The following A1CF variants were observed in gnomAD, a reference collection of about 807,000 sequenced individuals.
The protein encoded by A1CF is APOBEC-1 stimulating protein.
A1CF carries 48 observed loss-of-function variants against 68.9 expected under a neutral mutation model. That is an observed-to-expected ratio of 0.70 (90% CI 0.55 to 0.89). The LOEUF is 0.89. Among genes scored for constraint, A1CF ranks in the 40% least tolerant of loss-of-function variants. The pLI, the probability that A1CF is intolerant of heterozygous loss-of-function variation, is 0.00. For missense variants in A1CF, 653 were observed against 718.9 expected, an observed-to-expected ratio of 0.91 and a Z score of 1.05; for synonymous variants, 272 against 260.4, an observed-to-expected ratio of 1.04 and a Z score of -0.43.
In A1CF at chr10:50,806,493, G is replaced by A. The variant is rs1837823397; in HGVS notation, c.*236C>T. 3.6e-6 allele frequency: 1 copy of A among 280,910 alleles called. No homozygotes were observed. The highest frequency in any genetic ancestry group is 5.2e-5 in the Admixed American group (1 of 19,062). 17.4% of individuals were successfully genotyped at this position (280,910 alleles called of 1,614,324 possible). A position where few individuals can be genotyped will look rare whatever the true frequency, so the allele number is the denominator to read the frequency against. On this transcript the variant is annotated 3_prime_UTR_variant, in exon 13 of 13. Transcript: ENST00000373997. ...AGGAAGACTGGAAGAACAACTTTTGGGGCAGTGGCTCTCCAGCTTTCTGTT... is the reference window on the plus strand; with the variant it reads ...AGGAAGACTGGAAGAACAACTTTTGAGGCAGTGGCTCTCCAGCTTTCTGTT...
chr10:50,852,050 G>A (rs535166498), intron 3 of A1CF, among the ~76,000 whole-genome samples: 42 of 152,294 alleles, frequency 2.8e-4, no homozygotes, highest in African/African-American at 9.4e-4. Flanking sequence ...GAAAAAGTGT[G>A]AATTTGTCAG....
At chr10:50,828,866 GT>G (rs1051674071) in intron 6 of A1CF, among the ~76,000 whole-genome samples, 36 of 152,192 alleles carry the variant, frequency 2.4e-4, no homozygotes, top group African/African-American at 8.2e-4. Flanking sequence ...GATCAGCTGT[GT>G]TCCCTCTTAA....
At chr10:50,859,623 G>A (rs1379841961) in intron 3 of A1CF, among the ~76,000 whole-genome samples, 1 of 152,200 alleles carries the variant, frequency 6.6e-6, no homozygotes, top group East Asian at 1.9e-4. Flanking sequence ...CTGATTCTGT[G>A]ACAAGTTAAG....
chr10:50,833,496 G>GA (rs1401322880), intron 6 of A1CF, among the ~76,000 whole-genome samples: 1 of 152,182 alleles, frequency 6.6e-6, no homozygotes, highest in African/African-American at 2.4e-5. Flanking sequence ...TCTCAAGGGG[G>GA]AACTGCCACT....
intron 2 of A1CF, among the ~76,000 whole-genome samples, chr10:50,861,656 A>C (rs1186433570): frequency 2.7e-5 from 4 of 148,002 alleles, no homozygotes; most frequent in Non-Finnish European, 6.0e-5. Flanking sequence ...TAATAATGAC[A>C]GTGCTAGTAT....
chr10:50,880,817 G>C (rs1014461561), intron 1 of A1CF, among the ~76,000 whole-genome samples: 1 of 152,172 alleles, frequency 6.6e-6, no homozygotes, highest in Non-Finnish European at 1.5e-5. Flanking sequence ...AGGCAGGTAG[G>C]AGATTTTATA....
intron 9 of A1CF, among the ~76,000 whole-genome samples, chr10:50,814,291 A>G (rs922863871): frequency 6.6e-6 from 1 of 152,208 alleles, no homozygotes; most frequent in African/African-American, 2.4e-5. Flanking sequence ...GATAAATACA[A>G]TACTATTGAT....
At chr10:50,808,025 T>C (rs1343269294) in intron 12 of A1CF, among the ~76,000 whole-genome samples, 1 of 152,222 alleles carries the variant, frequency 6.6e-6, no homozygotes, top group Non-Finnish European at 1.5e-5. Flanking sequence ...ATAGGAGACA[T>C]GTGTTAACAG....
At chr10:50,841,515 A>AT (rs1353221591) in intron 5 of A1CF, among the ~76,000 whole-genome samples, 4 of 152,054 alleles carry the variant, frequency 2.6e-5, no homozygotes, top group Non-Finnish European at 5.9e-5. Flanking sequence ...CCCTGGTTTG[A>AT]TTTTTTCATA....
intron 6 of A1CF, among the ~76,000 whole-genome samples, chr10:50,830,952 T>C (rs899880877): frequency 2.6e-5 from 4 of 151,954 alleles, no homozygotes; most frequent in African/African-American, 9.7e-5. Context: ...CAGAAGTAAA[T>C]CCACACATTT....
At chr10:50,834,731 T>G (rs1224766494) in intron 6 of A1CF, among the ~76,000 whole-genome samples, 1 of 152,130 alleles carries the variant, frequency 6.6e-6, no homozygotes, top group African/African-American at 2.4e-5. Flanking sequence ...TTTGGAAACA[T>G]TAATCTGGTG....
At chr10:50,807,047 G>T (rs1489083021) in intron 12 of A1CF, among the ~76,000 whole-genome samples, 167 bp from the exon 13 acceptor site, 1 of 152,192 alleles carries the variant, frequency 6.6e-6, no homozygotes, top group African/African-American at 2.4e-5. Context: ...TGGACTCAGT[G>T]ATTTTCAATG....
intron 1 of A1CF, among the ~76,000 whole-genome samples, chr10:50,869,733 G>A (rs1262757184): frequency 1.3e-5 from 2 of 151,986 alleles, no homozygotes; most frequent in African/African-American, 4.8e-5. Flanking sequence ...AGTAGAAAAG[G>A]CAGGTTACAA....
intron 3 of A1CF, among the ~76,000 whole-genome samples, chr10:50,850,184 A>G (rs908679084): frequency 1.3e-5 from 2 of 152,216 alleles, no homozygotes; most frequent in Non-Finnish European, 2.9e-5. Context: ...GGAAACAACT[A>G]TGAGTAAATT....
chr10:50,817,535 G>C (rs955228645), intron 8 of A1CF, among the ~76,000 whole-genome samples: 2 of 152,186 alleles, frequency 1.3e-5, no homozygotes, highest in Non-Finnish European at 2.9e-5. Context: ...TACTCTGAGA[G>C]ACAGACAGAA....
At chr10:50,815,355 A>G (rs1838314449) in intron 9 of A1CF, among the ~76,000 whole-genome samples, 1 of 152,102 alleles carries the variant, frequency 6.6e-6, no homozygotes, top group Admixed American at 6.6e-5. Context: ...AATGTGAAAT[A>G]TTTATTGTTT....
In A1CF at chr10:50,804,243, G is replaced by C. The variant is rs1450896669; in HGVS notation, c.*2486C>G. The C allele has an allele frequency of 6.6e-6, 1 of 151,958 alleles. No homozygotes were observed. The highest frequency in any genetic ancestry group is 1.9e-4 in the East Asian group (1 of 5,190). 9.4% of individuals were successfully genotyped at this position (151,958 alleles called of 1,614,324 possible). ...CCAGTGGTAATTTTCTCAATACTTT[G>C]GTATTATTGTATGTTTAGGTGTCTG... On this transcript the variant is annotated 3_prime_UTR_variant, in exon 13 of 13. Transcript: ENST00000373997.
chr10:50,842,122 A>C (rs1839811153), intron 4 of A1CF, 130 bp from the exon 5 acceptor site: 2 of 754,354 alleles, frequency 2.7e-6, no homozygotes, highest in African/African-American at 1.8e-5. Context: ...TGCCAGTACT[A>C]TTTGGCATTT....
Position 50,811,024 on chromosome 10 carries a change from T to C in A1CF, c.1460+16A>G, listed in dbSNP as rs763781365. The C allele has an allele frequency of 3.1e-6, 5 of 1,603,542 alleles. No individual in the cohort carries two copies. Among genetic ancestry groups the C allele is most frequent in the Admixed American group, 1.7e-5 (1 of 59,090 alleles). ...TCCTGCTCTAAAATGGTAAGGAATTTGGAGAAGTTACGCACATTGCAGGAT... is the reference window on the plus strand; with the variant it reads ...TCCTGCTCTAAAATGGTAAGGAATTCGGAGAAGTTACGCACATTGCAGGAT... On this transcript the variant is annotated intron_variant, in intron 11 of 12. Coordinates refer to ENST00000373997, the MANE Select transcript of A1CF (RefSeq NM_014576.4).
Sources: gnomAD v4.1 joint callset for allele counts (sites outside exome capture counted in the v4.1 genomes callset) on GRCh38, gnomAD v4.1.1 for gene constraint, MANE v1.5 for transcripts, NCBI Gene and HGNC (gene_info 2026-07-23, HGNC 2026-07-21) for gene names.